The following NF1 variants were observed in gnomAD, a reference collection of about 807,000 sequenced individuals.
NF1 encodes the protein neurofibromin.
Under a neutral mutation model 325.7 loss-of-function variants are expected in NF1, and 122 were observed. That is an observed-to-expected ratio of 0.37 (90% CI 0.32 to 0.44). The LOEUF (loss-of-function observed/expected upper bound fraction) is 0.44, where lower values mean the gene tolerates loss of function less well. NF1 is among the 20% of genes least tolerant of loss of function. The probability of loss-of-function intolerance (pLI) is 1.00; values close to 1 mark genes in which losing one functional copy is unlikely to be tolerated. For missense variants in NF1, 2,140 were observed against 3,415.4 expected (o/e 0.63, Z 9.31); for synonymous variants, 1,091 against 1,186.0 (o/e 0.92, Z 1.65).
At chr17:31,249,782 A>G (rs940608042) in intron 30 of NF1, among the ~76,000 whole-genome samples, 5 of 152,194 alleles carry the variant, frequency 3.3e-5, no homozygotes, top group Admixed American at 3.3e-4. Flanking sequence ...TGAATTGCAC[A>G]TTGCAGTTTT....
chr17:31,123,432 A>C (rs1389119101), intron 1 of NF1, among the ~76,000 whole-genome samples: 1 of 151,962 alleles, frequency 6.6e-6, no homozygotes, highest in Non-Finnish European at 1.5e-5. Context: ...AGGAAAAGGG[A>C]TTATTCAGAA....
intron 56 of NF1, chr17:31,360,208 A>AT (rs2070367139): frequency 2.2e-6 from 1 of 447,436 alleles, no homozygotes; most frequent in African/African-American, 2.0e-5. Flanking sequence ...GCTAGACATC[A>AT]TTCCTGGTGA....
chr17:31,226,332 C>T (rs992703171), intron 17 of NF1, 103 bp from the exon 18 acceptor site: 1 of 1,294,548 alleles, frequency 7.7e-7, no homozygotes, highest in African/African-American at 1.5e-5. Flanking sequence ...CACACACACA[C>T]ACACACACAC....
At chr17:31,324,733 TG>T (rs1463536932) in intron 36 of NF1, among the ~76,000 whole-genome samples, 10 of 152,124 alleles carry the variant, frequency 6.6e-5, no homozygotes, top group Non-Finnish European at 1.3e-4. Flanking sequence ...GGCTGATTTT[TG>T]TATTTTTAGT....
chr17:31,229,330 C>T lies in NF1; in HGVS notation c.2715C>T (p.Asn905=), dbSNP rs1307354145. The T allele has an allele frequency of 6.2e-7, 1 of 1,613,772 alleles. No individual in the cohort carries two copies. Among genetic ancestry groups the T allele is most frequent in the Non-Finnish European group, 8.5e-7 (1 of 1,179,836 alleles). The change falls in exon 21 of 58, where the codon AAC becomes AAT. Residue 905 remains asparagine, a synonymous_variant. Coordinates refer to ENST00000358273, the MANE Select transcript of NF1 (RefSeq NM_001042492.3). ...GGCTGTTGTCCTTAATGGTGTGTAACCATGAGAAAGTGGGACTTCAAATAC... is the reference window on the plus strand; with the variant it reads ...GGCTGTTGTCCTTAATGGTGTGTAATCATGAGAAAGTGGGACTTCAAATAC... ...MDRLLSLMVC[N]HEKVGLQIRT...
At chr17:31,329,850 C>A (rs2069436556) in intron 38 of NF1, among the ~76,000 whole-genome samples, 3 of 152,156 alleles carry the variant, frequency 2.0e-5, no homozygotes, top group Non-Finnish European at 4.4e-5. Context: ...GAAGGGCCAT[C>A]TGATATCTGT....
intron 1 of NF1, among the ~76,000 whole-genome samples, chr17:31,126,733 T>A (rs777266510): frequency 1.3e-5 from 2 of 152,172 alleles, no homozygotes; most frequent in African/African-American, 2.4e-5. Flanking sequence ...TGAGCCACAG[T>A]GCCTAGCCTA....
intron 29 of NF1, among the ~76,000 whole-genome samples, chr17:31,237,501 T>G (rs2067223566): frequency 6.6e-6 from 1 of 152,012 alleles, no homozygotes; most frequent in Non-Finnish European, 1.5e-5. Flanking sequence ...GGTCTCAAAC[T>G]CCTAGACTAA....
chr17:31,221,668 A>G (rs560611642), intron 14 of NF1, among the ~76,000 whole-genome samples, 182 bp from the exon 15 acceptor site: 1 of 152,256 alleles, frequency 6.6e-6, no homozygotes, highest in South Asian at 2.1e-4. Context: ...TTCTGTCTGT[A>G]TTATTCCCTA....
At chr17:31,187,579 A>G (rs1348593469) in intron 8 of NF1, among the ~76,000 whole-genome samples, 4 of 152,184 alleles carry the variant, frequency 2.6e-5, no homozygotes, top group African/African-American at 4.8e-5. Context: ...TCACAATTAC[A>G]ATGCCAACTA....
At chr17:31,228,197 A>G (rs1177461028) in intron 20 of NF1, among the ~76,000 whole-genome samples, 1 of 152,198 alleles carries the variant, frequency 6.6e-6, no homozygotes, top group Admixed American at 6.5e-5. Context: ...ACTATTGACT[A>G]TATTATCTGT....
In NF1 at chr17:31,375,975, C is replaced by T. The variant is rs2070725906; in HGVS notation, c.*1820C>T. ...AAATACTGAAGACAGGTGCAATTTA[C>T]TAAACTTTTGTTTTTAAACTATTGT... On this transcript the variant is annotated 3_prime_UTR_variant, in exon 58 of 58. Transcript: ENST00000358273. The T allele has an allele frequency of 4.3e-6, 1 of 232,902 alleles. No homozygotes were observed. 14.4% of individuals were successfully genotyped at this position (232,902 alleles called of 1,614,324 possible). A position where few individuals can be genotyped will look rare whatever the true frequency, so the allele number is the denominator to read the frequency against.
chr17:31,283,341 T>A (rs897942824), intron 36 of NF1, among the ~76,000 whole-genome samples: 1 of 151,072 alleles, frequency 6.6e-6, no homozygotes, highest in Non-Finnish European at 1.5e-5. Flanking sequence ...GGCGTGAACC[T>A]GGGAGGCGGA....
chr17:31,225,871 G>A (rs1240773569), intron 17 of NF1, among the ~76,000 whole-genome samples: 5 of 152,120 alleles, frequency 3.3e-5, no homozygotes, highest in African/African-American at 1.2e-4. Flanking sequence ...TGTAGAATTT[G>A]CATTTATTTT....
intron 12 of NF1, among the ~76,000 whole-genome samples, chr17:31,212,096 A>G (rs1176182599): frequency 4.6e-5 from 7 of 152,168 alleles, no homozygotes; most frequent in Non-Finnish European, 8.8e-5. Context: ...GCTGTATAAA[A>G]TATTTTTCTT....
At chr17:31,229,496 C>A (rs1283914557) in intron 21 of NF1, 31 bp downstream of exon 21, 1 of 1,591,448 alleles carries the variant, frequency 6.3e-7, no homozygotes, top group Non-Finnish European at 8.6e-7. Flanking sequence ...TCACCTTTCT[C>A]TATGAATAGA....
intron 36 of NF1, among the ~76,000 whole-genome samples, chr17:31,271,797 C>T (rs1055347511): frequency 6.6e-6 from 1 of 151,736 alleles, no homozygotes; most frequent in Non-Finnish European, 1.5e-5. Flanking sequence ...CATACCACTC[C>T]TTATCCCACA....
At chr17:31,237,860 T>A (rs901406411) in intron 29 of NF1, among the ~76,000 whole-genome samples, 1 of 152,134 alleles carries the variant, frequency 6.6e-6, no homozygotes, top group Admixed American at 6.5e-5. Context: ...GAGAACTAGA[T>A]GGCAAACAAT....
chr17:31,252,992 A>C lies in NF1; in HGVS notation c.4165A>C (p.Lys1389Gln), dbSNP rs560197275. The change falls in exon 31 of 58, where the codon AAA (lysine) becomes CAA (glutamine). Residue 1389 changes from lysine to glutamine, a missense_variant. Physicochemically the swap from Lys to Gln is moderately conservative, Grantham distance 53. Coordinates refer to ENST00000358273, the MANE Select transcript of NF1 (RefSeq NM_001042492.3). ...TACAGTAAAAGAAAAAAAGGAAAAC[A>C]AAAAATCAGTAAGTTTGGAGAACTT... Reference protein sequence around the residue: ...KATVKEKKENKKSVVSQRFPQ... With the variant: ...KATVKEKKENQKSVVSQRFPQ... The C allele has an allele frequency of 1.9e-6, 3 of 1,612,892 alleles. No individual in the cohort carries two copies. In the Admixed American group the frequency reaches 5.0e-5, roughly 27 times the overall value.
Sources: allele counts gnomAD v4.1 joint callset (sites outside exome capture counted in the v4.1 genomes callset), GRCh38; gene constraint gnomAD v4.1.1; transcripts MANE v1.5; gene names NCBI Gene and HGNC (gene_info 2026-07-23, HGNC 2026-07-21).